The following PARD3 variants were observed in gnomAD, a reference collection of about 807,000 sequenced individuals.
PARD3 encodes par-3 family cell polarity regulator.
Under a neutral mutation model 155.4 loss-of-function variants are expected in PARD3, and 75 were observed. The ratio of observed to expected loss-of-function variants is 0.48; its 90% CI spans 0.40 to 0.58. The LOEUF (loss-of-function observed/expected upper bound fraction) is 0.58. Among genes scored for constraint, PARD3 ranks in the 20% least tolerant of loss-of-function variants. The pLI is 0.00. For missense variants in PARD3, 1,642 were observed against 1,721.7 expected (o/e 0.95, Z 0.82); for synonymous variants, 576 against 610.5 (o/e 0.94, Z 0.83).
chr10:34,400,272 T>A (rs1356309579), intron 6 of PARD3, among the ~76,000 whole-genome samples: 1 of 152,178 alleles, frequency 6.6e-6, no homozygotes, highest in Admixed American at 6.6e-5. Context: ...GCTATTTATA[T>A]TATATGACAT....
intron 5 of PARD3, among the ~76,000 whole-genome samples, chr10:34,424,303 TA>T (rs1243615207): frequency 1.3e-5 from 2 of 152,150 alleles, no homozygotes; most frequent in Non-Finnish European, 2.9e-5. Context: ...TCCCCTGGGA[TA>T]AGAATCAAGA....
At chr10:34,185,698 C>A (rs1950455358) in intron 22 of PARD3, among the ~76,000 whole-genome samples, 1 of 151,824 alleles carries the variant, frequency 6.6e-6, no homozygotes, top group Non-Finnish European at 1.5e-5. Flanking sequence ...GCAGGCAGTG[C>A]CCACACCTCC....
At chr10:34,342,193 T>A (rs1836900775) in intron 15 of PARD3, among the ~76,000 whole-genome samples, 2 of 152,386 alleles carry the variant, frequency 1.3e-5, no homozygotes, top group Non-Finnish European at 2.9e-5. Context: ...CTAACTTGCA[T>A]TGTTTATTCA....
intron 2 of PARD3, among the ~76,000 whole-genome samples, chr10:34,663,032 G>A (rs2093363667): frequency 6.6e-6 from 1 of 152,218 alleles, no homozygotes; most frequent in African/African-American, 2.4e-5. Context: ...ACCAGAGGCT[G>A]GGAAGGGTGT....
chr10:34,396,572 G>C (rs1420862950), intron 7 of PARD3, among the ~76,000 whole-genome samples: 1 of 152,060 alleles, frequency 6.6e-6, no homozygotes, highest in Non-Finnish European at 1.5e-5. Flanking sequence ...CTCTGACTTT[G>C]AAAATCTAAA....
At position 34,331,137 on chromosome 10, in the gene PARD3, T is replaced by C; in HGVS notation, c.2813A>G (p.Asp938Gly). 1 of 1,613,644 alleles carries C rather than the reference T, an allele frequency of 6.2e-7. No homozygotes were observed. The highest frequency in any genetic ancestry group is 1.3e-5 in the African/African-American group (1 of 75,028). ...KSYDKPAVDD[D>G]DEGMETLEED... Reference sequence around the variant, plus strand: ...CTTACAGGTCTCCATGCCTTCATCATCATCATCTACCGCGGGTTTATCATA... The same window carrying C: ...CTTACAGGTCTCCATGCCTTCATCACCATCATCTACCGCGGGTTTATCATA... Residue 938 changes from aspartate to glycine, a missense_variant, in exon 19 of 25, where the codon GAT becomes GGT. Asp to Gly is a moderately conservative substitution (Grantham distance 94). Coordinates refer to ENST00000374788, the MANE Select transcript of PARD3 (RefSeq NM_001184785.2).
intron 9 of PARD3, among the ~76,000 whole-genome samples, chr10:34,381,975 A>G (rs1841909801): frequency 6.6e-6 from 1 of 151,638 alleles, no homozygotes; most frequent in East Asian, 1.9e-4. Context: ...AAGAAAAGAA[A>G]AAAAAGAAAG....
At chr10:34,443,997 AAGTC>A (rs1402405616) in intron 5 of PARD3, among the ~76,000 whole-genome samples, 1 of 145,452 alleles carries the variant, frequency 6.9e-6, no homozygotes, top group East Asian at 2.0e-4. Flanking sequence ...ACAAACATTT[AAGTC>A]AGTTTTCCCT....
At chr10:34,182,293 G>A (rs2133203716) in intron 22 of PARD3, among the ~76,000 whole-genome samples, 1 of 152,276 alleles carries the variant, frequency 6.6e-6, no homozygotes, top group Non-Finnish European at 1.5e-5. Context: ...AATACTTGAA[G>A]AGAAATATTG....
intron 2 of PARD3, among the ~76,000 whole-genome samples, chr10:34,525,700 C>A (rs1009789139): frequency 6.6e-6 from 1 of 151,616 alleles, no homozygotes; most frequent in African/African-American, 2.4e-5. Flanking sequence ...ACAACACAGT[C>A]TGCAGTAGGG....
At chr10:34,238,283 T>TA (rs1023353152) in intron 22 of PARD3, among the ~76,000 whole-genome samples, 5 of 152,096 alleles carry the variant, frequency 3.3e-5, no homozygotes, top group Admixed American at 3.3e-4. Context: ...CCCAAATGAG[T>TA]AATTAAGGCT....
At chr10:34,773,800 G>A (rs1588689107) in intron 1 of PARD3, among the ~76,000 whole-genome samples, 1 of 152,146 alleles carries the variant, frequency 6.6e-6, no homozygotes, top group Non-Finnish European at 1.5e-5. Context: ...GGCACTTAAT[G>A]TTCTTCTCAT....
At chr10:34,625,118 C>G (rs1324217030) in intron 2 of PARD3, among the ~76,000 whole-genome samples, 2 of 152,178 alleles carry the variant, frequency 1.3e-5, no homozygotes, top group Non-Finnish European at 2.9e-5. Flanking sequence ...CCAATGTTGT[C>G]AAGGATCTAT....
At position 34,750,248 on chromosome 10, in the gene PARD3, G is replaced by A. The variant is rs187449227; in HGVS notation, c.121-53829C>T. ...CTTTTTAGAATTAAAACCAGTTTGG[G>A]ATTGAAAACAGAAGAAGAGAAAAAA... On this transcript the variant is annotated intron_variant, in intron 1 of 24. Coordinates refer to ENST00000374788, the MANE Select transcript of PARD3 (RefSeq NM_001184785.2). Among the ~76,000 whole-genome samples, 410 of 152,006 alleles carry A rather than the reference G, an allele frequency of 2.7e-3. 6 individuals are homozygous for A. Among genetic ancestry groups the A allele is most frequent in the Middle Eastern group, 0.02 (6 of 294 alleles).
At chr10:34,442,748 G>C (rs781380772) in intron 5 of PARD3, among the ~76,000 whole-genome samples, 5 of 152,138 alleles carry the variant, frequency 3.3e-5, no homozygotes, top group Non-Finnish European at 5.9e-5. Context: ...GTGTGCATCA[G>C]TAGTCCCAGC....
chr10:34,439,426 T>A (rs2076351124), intron 5 of PARD3, among the ~76,000 whole-genome samples: 1 of 152,024 alleles, frequency 6.6e-6, no homozygotes, highest in East Asian at 1.9e-4. Context: ...TCCAACCTTG[T>A]GAAGTTATGT....
chr10:34,548,979 A>G (rs951997240), intron 2 of PARD3, among the ~76,000 whole-genome samples: 1 of 152,260 alleles, frequency 6.6e-6, no homozygotes, highest in African/African-American at 2.4e-5. Flanking sequence ...TGGCTGCCCC[A>G]GCATTTCCAG....
intron 2 of PARD3, among the ~76,000 whole-genome samples, chr10:34,661,807 A>G (rs899273284): frequency 2.0e-5 from 3 of 152,216 alleles, no homozygotes; most frequent in African/African-American, 7.2e-5. Flanking sequence ...AGTAAATGAG[A>G]TAAGAGGCTC....
chr10:34,258,687 G>A (rs957277709), intron 22 of PARD3, among the ~76,000 whole-genome samples: 18 of 152,154 alleles, frequency 1.2e-4, no homozygotes, highest in Non-Finnish European at 2.4e-4. Context: ...GGAAATAGCA[G>A]TGGTCCAGAG....
Sources: gnomAD v4.1 joint callset for allele counts (sites outside exome capture counted in the v4.1 genomes callset) on GRCh38, gnomAD v4.1.1 for gene constraint, MANE v1.5 for transcripts, NCBI Gene and HGNC (gene_info 2026-07-23, HGNC 2026-07-21) for gene names.